KCNQ1: variants seen among roughly 807,000 people sequenced by gnomAD.
KCNQ1 encodes the protein potassium voltage-gated channel subfamily Q member 1, also known as potassium voltage-gated channel subfamily KQT member 1.
In KCNQ1, 49 loss-of-function variants were observed where a neutral mutation model predicts 72.4. That is an observed-to-expected ratio of 0.68 (90% CI 0.54 to 0.86). The LOEUF is 0.86. Ranked by LOEUF, KCNQ1 falls within the 40% of genes least tolerant of loss-of-function variation. The pLI is 0.00. For missense variants in KCNQ1, 790 were observed against 945.1 expected, an observed-to-expected ratio of 0.84 and a Z score of 2.15; for synonymous variants, 450 against 412.6, an observed-to-expected ratio of 1.09 and a Z score of -1.10.
At position 2,544,539 on chromosome 11, in the gene KCNQ1, T is replaced by C. The variant is rs1402135077; in HGVS notation, c.477+16521T>C. On this transcript the variant is annotated intron_variant, in intron 2 of 15. Coordinates refer to ENST00000155840, the MANE Select transcript of KCNQ1 (RefSeq NM_000218.3). The surrounding 1 kb of genome is among the most constrained non-coding windows in gnomAD (Gnocchi z 4.4). ...TTTAACTTCTGTCAGAGATGTTTCA[T>C]AGTTTTTAGTGTATAGGTCTTGTAC... 6.6e-6 allele frequency among the ~76,000 whole-genome samples: 1 copy of C among 152,002 alleles called. No homozygotes were observed. Among genetic ancestry groups the C allele is most frequent in the Admixed American group, 6.6e-5 (1 of 15,230 alleles).
rs1474763593 is a variant in KCNQ1, at chr11:2,766,394, G to T, written c.1515-2450G>T. On this transcript the variant is annotated intron_variant, in intron 11 of 15. Transcript: ENST00000155840. The surrounding 1 kb of genome is among the most constrained non-coding windows in gnomAD (Gnocchi z 4.4). Reference sequence around the variant, plus strand: ...TGGAGCCACTGGGTTGTCAGCCAGGGTCTCTCAGCTCTCCTTCACGCGGCT... The same window carrying T: ...TGGAGCCACTGGGTTGTCAGCCAGGTTCTCTCAGCTCTCCTTCACGCGGCT... 6.6e-6 allele frequency among the ~76,000 whole-genome samples: 1 copy of T among 152,190 alleles called. No homozygotes were observed. Among genetic ancestry groups the T allele is most frequent in the Non-Finnish European group, 1.5e-5 (1 of 68,036 alleles).
chr11:2,522,087 G>A (rs1350759784), intron 1 of KCNQ1, among the ~76,000 whole-genome samples: 1 of 152,228 alleles, frequency 6.6e-6, no homozygotes. Context: ...ATAATTCACC[G>A]GGTGCCTTCG....
chr11:2,506,303 CTA>C (rs1348536486), intron 1 of KCNQ1, among the ~76,000 whole-genome samples: 2 of 152,212 alleles, frequency 1.3e-5, no homozygotes, highest in African/African-American at 4.8e-5. Flanking sequence ...GTCGAAAAGA[CTA>C]TACGTGAACT....
chr11:2,523,323 G>A (rs141760231), intron 1 of KCNQ1, among the ~76,000 whole-genome samples: 4,108 of 151,944 alleles, frequency 0.027, 152 homozygotes, highest in African/African-American at 0.087. Context: ...TCTCCTGAGT[G>A]GCTGGGATTA....
rs907046018 is a variant in KCNQ1 at position 2,826,202 on chromosome 11, A to G, written c.1795-21565A>G. ...CTCCGAGGGAGTGCTATTGTTTTTC[A>G]TGTCAGCTGCATTTTAAGGCTACAT... On this transcript the variant is annotated intron_variant, in intron 15 of 15. Coordinates refer to ENST00000155840, the MANE Select transcript of KCNQ1 (RefSeq NM_000218.3). This position sits in a 1 kb window ranked among gnomAD's most constrained non-coding sequence, Gnocchi z 4.2. Among the ~76,000 whole-genome samples the G allele has an allele frequency of 2.6e-5, 4 of 152,116 alleles. No individual in the cohort carries two copies. The highest frequency in any genetic ancestry group is 4.8e-5 in the African/African-American group (2 of 41,410).
intron 15 of KCNQ1, among the ~76,000 whole-genome samples, chr11:2,799,369 A>T (rs1273193054): frequency 2.2e-5 from 3 of 133,920 alleles, no homozygotes; most frequent in African/African-American, 8.6e-5. Context: ...TGTAGCTGTA[A>T]GTTCGAGTGT....
intron 15 of KCNQ1, among the ~76,000 whole-genome samples, chr11:2,795,718 G>A (rs957775478): frequency 6.6e-6 from 1 of 152,194 alleles, no homozygotes; most frequent in African/African-American, 2.4e-5. Flanking sequence ...ACTCTTCCCT[G>A]CCATTTTGCA....
intron 1 of KCNQ1, among the ~76,000 whole-genome samples, chr11:2,452,868 G>T (rs1476771138): frequency 1.3e-5 from 2 of 152,168 alleles, no homozygotes; most frequent in Non-Finnish European, 2.9e-5. Context: ...GGCTTCATGC[G>T]TGCTGCGGGG....
Position 2,687,634 on chromosome 11 carries a change from C to G in KCNQ1, c.1514+25553C>G. 1 of 398,670 alleles carries G rather than the reference C, an allele frequency of 2.5e-6. No individual in the cohort carries two copies. Among genetic ancestry groups the G allele is most frequent in the Non-Finnish European group, 4.4e-6 (1 of 226,130 alleles). The allele number at this position is 398,670 out of a possible 1,614,324, so 24.7% of individuals were successfully genotyped here. On this transcript the variant is annotated intron_variant, in intron 11 of 15. Coordinates refer to ENST00000155840, the MANE Select transcript of KCNQ1 (RefSeq NM_000218.3). This position sits in a 1 kb window ranked among gnomAD's most constrained non-coding sequence, Gnocchi z 5.0. ...ATCCCTTCTCCATTCCTCTCAGGCC[C>G]CTGTAAAAATTGGGACCTGTCCTTG...
rs192844083 is a variant in KCNQ1 at position 2,664,964 on chromosome 11, G to A, written c.1514+2883G>A. The A allele has an allele frequency of 2.0e-5, 8 of 398,598 alleles. No individual in the cohort carries two copies. The highest frequency in any genetic ancestry group is 6.3e-4 in the Middle Eastern group (1 of 1,590). The allele number at this position is 398,598 out of a possible 1,614,324, so 24.7% of individuals were successfully genotyped here. ...GTGAGGTCACTATAGCCTTGATTAC[G>A]GGAAGGTCCCTGGGGCTGGGCGAAG... On this transcript the variant is annotated intron_variant, in intron 11 of 15. Transcript: ENST00000155840. The surrounding 1 kb of genome is among the most constrained non-coding windows in gnomAD (Gnocchi z 5.1).
intron 1 of KCNQ1, among the ~76,000 whole-genome samples, chr11:2,470,229 G>T (rs938622187): frequency 6.6e-6 from 1 of 152,202 alleles, no homozygotes; most frequent in South Asian, 2.1e-4. Context: ...TTGAGCCAAC[G>T]TGAGGGCACG....
intron 6 of KCNQ1, among the ~76,000 whole-genome samples, chr11:2,576,803 C>T (rs1469414834): frequency 6.6e-6 from 1 of 152,222 alleles, no homozygotes; most frequent in African/African-American, 2.4e-5. Context: ...GGGGTGGTGT[C>T]AGGAAGAGCT....
In KCNQ1 at chr11:2,768,393, C is replaced by T. The variant is rs560789278; in HGVS notation, c.1515-451C>T. Among the ~76,000 whole-genome samples, 29 of 152,288 alleles carry T rather than the reference C, an allele frequency of 1.9e-4. No individual in the cohort carries two copies. Among genetic ancestry groups the T allele is most frequent in the South Asian group, 4.1e-4 (2 of 4,830 alleles). On this transcript the variant is annotated intron_variant, in intron 11 of 15. Coordinates refer to ENST00000155840, the MANE Select transcript of KCNQ1 (RefSeq NM_000218.3). The surrounding 1 kb of genome is among the most constrained non-coding windows in gnomAD (Gnocchi z 6.7). ...GTCCTGTAGCCCCTACTTTCCCAAG[C>T]GCTTGCTGTTTGTGGGGCTACAGGA...
rs1398204549 is a variant in KCNQ1, at chr11:2,562,855, C to T, written c.478-7773C>T. 6.6e-6 allele frequency among the ~76,000 whole-genome samples: 1 copy of T among 152,212 alleles called. No individual in the cohort carries two copies. The highest frequency in any genetic ancestry group is 1.5e-5 in the Non-Finnish European group (1 of 68,036). On this transcript the variant is annotated intron_variant, in intron 2 of 15. Transcript: ENST00000155840. This position sits in a 1 kb window ranked among gnomAD's most constrained non-coding sequence, Gnocchi z 7.5. ...GCTCTGATCCTTCGTATTTAATCTTCATCTTCCGCCGTCTTTAAAATTAAT... is the reference window on the plus strand; with the variant it reads ...GCTCTGATCCTTCGTATTTAATCTTTATCTTCCGCCGTCTTTAAAATTAAT...
chr11:2,842,669 A>G (rs1197805939), intron 15 of KCNQ1, among the ~76,000 whole-genome samples: 1 of 152,128 alleles, frequency 6.6e-6, no homozygotes. Context: ...CGAGGTACAC[A>G]TATGTGGGCT....
chr11:2,694,482 C>T (rs1850640744), intron 11 of KCNQ1: 1 of 398,462 alleles, frequency 2.5e-6, no homozygotes, highest in Non-Finnish European at 4.4e-6. Flanking sequence ...ACATCCTGTC[C>T]CAAGCATTAC....
chr11:2,504,437 A>G (rs546283470), intron 1 of KCNQ1, among the ~76,000 whole-genome samples: 2 of 152,324 alleles, frequency 1.3e-5, no homozygotes, highest in Admixed American at 1.3e-4. Flanking sequence ...GACTATAGTC[A>G]ATGATTTAAT....
chr11:2,667,911 C>T (rs1192250039), intron 11 of KCNQ1: 2 of 398,554 alleles, frequency 5.0e-6, no homozygotes, highest in Middle Eastern at 6.2e-4. Context: ...TCTTCAGTCC[C>T]TGGGACCCAT....
At chr11:2,780,355 C>A (rs556519641) in intron 15 of KCNQ1, among the ~76,000 whole-genome samples, 27 of 152,344 alleles carry the variant, frequency 1.8e-4, no homozygotes, top group African/African-American at 6.5e-4. Context: ...GTAAATACCC[C>A]AAGCGCAATC....
Sources: allele counts gnomAD v4.1 joint callset (sites outside exome capture counted in the v4.1 genomes callset), GRCh38; gene constraint gnomAD v4.1.1; non-coding constraint Gnocchi (gnomAD v3.1); transcripts MANE v1.5; gene names NCBI Gene and HGNC (gene_info 2026-07-23, HGNC 2026-07-21).